Variants in RC3H1 observed in about 807,000 individuals in gnomAD.
RC3H1 encodes roquin-1.
A neutral mutation model predicts 138.2 loss-of-function variants in RC3H1; 50 were observed. The ratio of observed to expected loss-of-function variants is 0.36; its 90% CI spans 0.29 to 0.46. RC3H1 has a LOEUF of 0.46. RC3H1 is among the 20% of genes least tolerant of loss of function. The pLI, the probability that RC3H1 is intolerant of heterozygous loss-of-function variation, is 1.00. For synonymous variants in RC3H1, 462 were observed against 489.1 expected (o/e 0.94, Z 0.73); for missense variants, 1,031 against 1,388.1 (o/e 0.74, Z 4.09).
In RC3H1 at chr1:173,992,739, A is replaced by G; in HGVS notation, c.231+16T>C. On this transcript the variant is annotated intron_variant, in intron 2 of 19. Transcript: ENST00000367696. Reference sequence around the variant, plus strand: ...AGAGAGGGAGAAATTTAAAAGTATTAAGTCACCCATCCTACCTGAGCACCC... The same window carrying G: ...AGAGAGGGAGAAATTTAAAAGTATTGAGTCACCCATCCTACCTGAGCACCC... The G allele has an allele frequency of 6.4e-7, 1 of 1,571,316 alleles. No individual in the cohort carries two copies. Among genetic ancestry groups the G allele is most frequent in the South Asian group, 1.1e-5 (1 of 90,036 alleles).
rs1252862625 is a variant in RC3H1, at chr1:173,975,822, C to T, written c.1102+2666G>A. Among the ~76,000 whole-genome samples, 28 of 68,462 alleles carry T rather than the reference C, an allele frequency of 4.1e-4. 2 individuals are homozygous for T. Among genetic ancestry groups the T allele is most frequent in the Non-Finnish European group, 6.3e-4 (28 of 44,402 alleles). 44.9% of individuals were successfully genotyped at this position (68,462 alleles called of 152,430 possible). A position where few individuals can be genotyped will look rare whatever the true frequency, so the allele number is the denominator to read the frequency against. ...CTGAGGCAGGAGAATGGCGTGAACC[C>T]GGGAGGCGGAGCTTGCAGTGAGCCG... On this transcript the variant is annotated intron_variant, in intron 7 of 19. Coordinates refer to ENST00000367696, the MANE Select transcript of RC3H1 (RefSeq NM_172071.4).
In RC3H1 at chr1:173,972,577, G is replaced by A. The variant is rs763994793; in HGVS notation, c.1153C>T (p.Arg385Cys). Residue 385 changes from arginine (R) to cysteine (C), a missense_variant, in exon 8 of 20, where the codon CGT (arginine) becomes TGT (cysteine). By Grantham distance (180) the Arg-to-Cys change is radical (BLOSUM62 -3). Transcript: ENST00000367696. ...TCAACCAGCCCATGTACCACTGTACGCACAGCAACCAGCCCATTTTCCAGC... is the reference window on the plus strand; with the variant it reads ...TCAACCAGCCCATGTACCACTGTACACACAGCAACCAGCCCATTTTCCAGC... Reference protein sequence around the residue: ...EQLENGLVAVRTVVHGLVDYI... With the variant: ...EQLENGLVAVCTVVHGLVDYI... 3.0e-5 allele frequency: 49 copies of A among 1,613,734 alleles called. No individual in the cohort carries two copies. Among genetic ancestry groups the A allele is most frequent in the Middle Eastern group, 1.6e-4 (1 of 6,084 alleles).
rs577860041 is a variant in RC3H1, at chr1:173,946,457, T to C, written c.2961+19A>G. On this transcript the variant is annotated intron_variant, in intron 17 of 19. Transcript: ENST00000367696. ...GAACCCTTCAAAAATTGGAATAAAA[T>C]GGCTCTCTAGGCTGGTACCTCTAGT... The C allele has an allele frequency of 1.4e-5, 23 of 1,594,642 alleles. No individual in the cohort carries two copies. The South Asian group carries it at 2.5e-4, about 17-fold the overall frequency.
intron 1 of RC3H1, among the ~76,000 whole-genome samples, chr1:174,012,694 G>T (rs1164397905): frequency 6.6e-6 from 1 of 151,570 alleles, no homozygotes; most frequent in East Asian, 1.9e-4. Flanking sequence ...TGAGGCAGGA[G>T]AATGGCGTGG....
chr1:173,993,060 CTTTG>C lies in RC3H1; in HGVS notation c.-79_-76del. 9.1e-7 allele frequency: 1 copy of C among 1,100,724 alleles called. No homozygotes were observed. The highest frequency in any genetic ancestry group is 1.3e-6 in the Non-Finnish European group (1 of 744,626). 68.2% of individuals were successfully genotyped at this position (1,100,724 alleles called of 1,614,324 possible). On this transcript the variant is annotated 5_prime_UTR_variant, in exon 2 of 20. Transcript: ENST00000367696. ...GCAAAGATTCCACTGGAATCAAAAT[CTTTG>C]AAAAAAAGTTTATCTTTTTTTTTTT...
chr1:173,987,816 A>G (rs1266419803), intron 2 of RC3H1, among the ~76,000 whole-genome samples: 1 of 152,186 alleles, frequency 6.6e-6, no homozygotes, highest in Non-Finnish European at 1.5e-5. Flanking sequence ...ATATCAAGCT[A>G]AAAATGAGTT....
intron 2 of RC3H1, among the ~76,000 whole-genome samples, chr1:173,991,912 T>C (rs896160797): frequency 3.3e-5 from 5 of 152,172 alleles, no homozygotes; most frequent in African/African-American, 1.2e-4. Context: ...AATATATACA[T>C]AACACAAAAT....
intron 18 of RC3H1, among the ~76,000 whole-genome samples, chr1:173,942,443 A>AG (rs1658922681): frequency 6.7e-6 from 1 of 149,830 alleles, no homozygotes; most frequent in Non-Finnish European, 1.5e-5. Context: ...AAAAAAAAAA[A>AG]AAAAAAAGAA....
intron 1 of RC3H1, among the ~76,000 whole-genome samples, chr1:174,003,808 C>T (rs752784728): frequency 2.8e-4 from 42 of 151,676 alleles, no homozygotes; most frequent in Non-Finnish European, 5.7e-4. Flanking sequence ...TCTACAGGCG[C>T]CCGCCACCAC....
intron 15 of RC3H1, among the ~76,000 whole-genome samples, chr1:173,947,061 T>A (rs1225867897): frequency 1.3e-5 from 2 of 152,226 alleles, no homozygotes; most frequent in African/African-American, 4.8e-5. Context: ...TCAGTCTTTG[T>A]AGTTTTTCTT....
chr1:174,016,289 A>G (rs1661861480), intron 1 of RC3H1: 1 of 152,194 alleles, frequency 6.6e-6, no homozygotes, highest in Admixed American at 6.5e-5. Flanking sequence ...AATGAGGCAT[A>G]TATAAAAACA....
intron 1 of RC3H1, among the ~76,000 whole-genome samples, chr1:174,010,548 G>A (rs1156253304): frequency 6.6e-6 from 1 of 152,082 alleles, no homozygotes; most frequent in Non-Finnish European, 1.5e-5. Context: ...CCCAGTAGCT[G>A]GACTACAGGC....
rs1382927624 is a variant in RC3H1, at chr1:173,964,308, C to T, written c.1617-121G>A. ...CTTATTCTAATAGTCCTCCCTTCTA[C>T]AAAATTTGCAATTTTTAAATCTTAT... On this transcript the variant is annotated intron_variant, in intron 10 of 19. Transcript: ENST00000367696. 2.1e-5 allele frequency: 16 copies of T among 752,232 alleles called. No individual in the cohort carries two copies. The East Asian group carries it at 3.5e-4, about 17-fold the overall frequency. The allele number at this position is 752,232 out of a possible 1,614,324, so 46.6% of individuals were successfully genotyped here. A position where few individuals can be genotyped will look rare whatever the true frequency, so the allele number is the denominator to read the frequency against.
intron 11 of RC3H1, among the ~76,000 whole-genome samples, chr1:173,963,024 C>T (rs959049705): frequency 6.6e-6 from 1 of 152,154 alleles, no homozygotes; most frequent in Non-Finnish European, 1.5e-5. Flanking sequence ...TACTATACTG[C>T]TTCTGACAGA....
chr1:173,970,641 G>C, intron 8 of RC3H1, 24 bp from the exon 9 acceptor site: 2 of 1,468,292 alleles, frequency 1.4e-6, no homozygotes, highest in Non-Finnish European at 1.9e-6. Flanking sequence ...CAAAACATTA[G>C]ATGTGTAATA....
At chr1:173,977,728 C>A (rs1212775696) in intron 7 of RC3H1, among the ~76,000 whole-genome samples, 1 of 152,136 alleles carries the variant, frequency 6.6e-6, no homozygotes, top group Non-Finnish European at 1.5e-5. Flanking sequence ...GCATAACCTG[C>A]CTACTCTTTA....
intron 13 of RC3H1, among the ~76,000 whole-genome samples, chr1:173,955,319 CT>C (rs1227853549): frequency 0.014 from 1,710 of 126,626 alleles, 27 homozygotes; most frequent in African/African-American, 0.044. Context: ...GAGATGTTGG[CT>C]TTTTTTTTTT....
Position 173,941,072 on chromosome 1 carries a change from G to C in RC3H1, c.3251+193C>G, listed in dbSNP as rs570822925. Among the ~76,000 whole-genome samples, 109 of 152,172 alleles carry C rather than the reference G, an allele frequency of 7.2e-4. 2 individuals carry two copies. The South Asian group carries it at 0.021, about 30-fold the overall frequency. On this transcript the variant is annotated intron_variant, in intron 19 of 19. Transcript: ENST00000367696. ...CTTGACCTCGTGATCTGCCCACCTC[G>C]GCTTCCCAAAATGCTGGATTACAGG...
chr1:173,944,871 G>C (rs1054041520), intron 17 of RC3H1, among the ~76,000 whole-genome samples: 4 of 152,126 alleles, frequency 2.6e-5, no homozygotes, highest in Admixed American at 2.6e-4. Flanking sequence ...TTCCTAAAAA[G>C]AAAGTCTACT....
Sources: allele counts gnomAD v4.1 joint callset (sites outside exome capture counted in the v4.1 genomes callset), GRCh38; gene constraint gnomAD v4.1.1; transcripts MANE v1.5; gene names NCBI Gene and HGNC (gene_info 2026-07-23, HGNC 2026-07-21).